HYCC1: variants seen among roughly 807,000 people sequenced by gnomAD.
HYCC1 encodes hyccin.
chr7:22,985,911 C>T, the HYCC1 span, among the ~76,000 whole-genome samples: 4 of 149,478 alleles, frequency 2.7e-5, no homozygotes, highest in Non-Finnish European at 5.9e-5. Context: ...TACATGTATA[C>T]ATGTCTATGT....
the HYCC1 span, among the ~76,000 whole-genome samples, chr7:22,994,101 C>T: frequency 6.6e-6 from 1 of 152,172 alleles, no homozygotes; most frequent in African/African-American, 2.4e-5. Context: ...CCACCTCAGC[C>T]TCTCAAGTAG....
chr7:22,933,517 G>A, the HYCC1 span, among the ~76,000 whole-genome samples: 1 of 152,006 alleles, frequency 6.6e-6, no homozygotes, highest in African/African-American at 2.4e-5. Flanking sequence ...CTGTTTGCAT[G>A]GTATAGCACT....
the HYCC1 span, among the ~76,000 whole-genome samples, chr7:22,923,095 AC>A: frequency 6.6e-6 from 1 of 152,188 alleles, no homozygotes. Flanking sequence ...ACTTCACCCA[AC>A]AACAACAAAA....
chr7:22,934,227 T>TC, the HYCC1 span: 3 of 133,392 alleles, frequency 2.2e-5, no homozygotes, highest in Non-Finnish European at 4.9e-5. Flanking sequence ...TTTTTTTTTT[T>TC]TTTTTTTCCC....
At chr7:22,921,585 G>A in the HYCC1 span, among the ~76,000 whole-genome samples, 1 of 152,066 alleles carries the variant, frequency 6.6e-6, no homozygotes, top group Non-Finnish European at 1.5e-5. Flanking sequence ...CATCTCAGTG[G>A]AATTAAGTTA....
chr7:22,998,405 T>C, the HYCC1 span, among the ~76,000 whole-genome samples: 50,651 of 151,984 alleles, frequency 0.33, 8,518 homozygotes, highest in East Asian at 0.36. Context: ...CTGGGAACTA[T>C]GGCACTACGA....
the HYCC1 span, among the ~76,000 whole-genome samples, chr7:22,975,810 G>A: frequency 1.5e-3 from 234 of 152,126 alleles, 1 homozygote; most frequent in African/African-American, 5.2e-3. Context: ...TCAACCTCCC[G>A]GGCTCAAGTG....
At chr7:22,929,186 T>C in the HYCC1 span, among the ~76,000 whole-genome samples, 15 of 152,110 alleles carry the variant, frequency 9.9e-5, no homozygotes, top group Non-Finnish European at 7.4e-5. Context: ...ATACAAAAAT[T>C]AATTCAAGAT....
At chr7:22,950,357 G>A in the HYCC1 span, among the ~76,000 whole-genome samples, 1 of 151,690 alleles carries the variant, frequency 6.6e-6, no homozygotes, top group Non-Finnish European at 1.5e-5. Context: ...AGTTCCATGA[G>A]GAAGGAGTTT....
At chr7:23,000,378 A>G in the HYCC1 span, among the ~76,000 whole-genome samples, 1 of 152,076 alleles carries the variant, frequency 6.6e-6, no homozygotes, top group African/African-American at 2.4e-5. Flanking sequence ...ATAGGTACCT[A>G]TCTATATCTA....
At chr7:22,978,154 A>C in the HYCC1 span, 1 of 905,618 alleles carries the variant, frequency 1.1e-6, no homozygotes, top group South Asian at 1.4e-5. Flanking sequence ...ATGGGCTATG[A>C]GTCATTTGGT....
At chr7:22,914,965 T>C in the HYCC1 span, among the ~76,000 whole-genome samples, 1,230 of 152,332 alleles carry the variant, frequency 8.1e-3, 13 homozygotes, top group African/African-American at 0.027. Context: ...GCTGAAGGCA[T>C]AGCCAAGGCT....
chr7:22,982,637 A>G, the HYCC1 span, among the ~76,000 whole-genome samples: 1 of 151,696 alleles, frequency 6.6e-6, no homozygotes, highest in Non-Finnish European at 1.5e-5. Context: ...ACCTCTTTCC[A>G]CTCCTCCTGA....
chr7:22,979,463 G>A, the HYCC1 span, among the ~76,000 whole-genome samples: 1 of 152,232 alleles, frequency 6.6e-6, no homozygotes, highest in Middle Eastern at 3.4e-3. Flanking sequence ...AGGGGCAGGA[G>A]GTAAAGTCAT....
At chr7:22,948,580 T>C in the HYCC1 span, among the ~76,000 whole-genome samples, 1 of 152,134 alleles carries the variant, frequency 6.6e-6, no homozygotes, top group East Asian at 1.9e-4. Context: ...TCTTTCAAAT[T>C]TTAAAAACTT....
the HYCC1 span, among the ~76,000 whole-genome samples, chr7:22,907,045 C>T: frequency 2.5e-4 from 32 of 130,550 alleles, no homozygotes; most frequent in Non-Finnish European, 3.5e-4. Flanking sequence ...GCAGAGGTTG[C>T]AGTAAGCCGA....
At chr7:22,900,686 A>G in the HYCC1 span, among the ~76,000 whole-genome samples, 2 of 152,236 alleles carry the variant, frequency 1.3e-5, no homozygotes, top group African/African-American at 4.8e-5. Context: ...TTAAAAAACA[A>G]TAAGATGGGA....
the HYCC1 span, among the ~76,000 whole-genome samples, chr7:22,956,513 A>G: frequency 6.6e-6 from 1 of 151,098 alleles, no homozygotes; most frequent in Admixed American, 6.6e-5. Flanking sequence ...TCAAGCAAAC[A>G]CACCATTAGT....
At chr7:22,898,575 A>ATTTCTTTTCT in the HYCC1 span, among the ~76,000 whole-genome samples, 20 of 132,236 alleles carry the variant, frequency 1.5e-4, no homozygotes, top group East Asian at 6.6e-4. Flanking sequence ...TGGTCCAAAT[A>ATTTCTTTTCT]TTTCTTTTCT....
Sources: allele counts gnomAD v4.1 joint callset (sites outside exome capture counted in the v4.1 genomes callset), GRCh38; gene constraint gnomAD v4.1.1; transcripts MANE v1.5; gene names NCBI Gene and HGNC (gene_info 2026-07-23, HGNC 2026-07-21).